The following TNS1 variants were observed in gnomAD, a reference collection of about 807,000 sequenced individuals.
TNS1 encodes the protein tensin-1.
TNS1 carries 62 observed loss-of-function variants against 168.6 expected under a neutral mutation model. That is an observed-to-expected ratio of 0.37 (90% CI 0.30 to 0.45). The LOEUF (loss-of-function observed/expected upper bound fraction) is 0.45, where lower values mean the gene tolerates loss of function less well. Among genes scored for constraint, TNS1 ranks in the 20% least tolerant of loss-of-function variants. The pLI, the probability that TNS1 is intolerant of heterozygous loss-of-function variation, is 1.00. For missense variants in TNS1, 2,240 were observed against 2,339.4 expected (o/e 0.96, Z 0.88); for synonymous variants, 934 against 933.2 (o/e 1.00, Z -0.02).
intron 19 of TNS1, among the ~76,000 whole-genome samples, chr2:217,840,961 G>A (rs981101757): frequency 8.5e-5 from 13 of 152,222 alleles, no homozygotes; most frequent in African/African-American, 2.9e-4. Flanking sequence ...GGAGAGAGGA[G>A]GGATGGAGAA....
chr2:217,810,066 G>A, intron 29 of TNS1, 75 bp from the exon 30 acceptor site: 6 of 1,534,038 alleles, frequency 3.9e-6, no homozygotes, highest in Non-Finnish European at 5.3e-6. Flanking sequence ...CCATTCTTCA[G>A]GGAGAAGGTA....
intron 22 of TNS1, among the ~76,000 whole-genome samples, chr2:217,828,629 G>A (rs2571437): frequency 0.059 from 9,002 of 152,192 alleles, 903 homozygotes; most frequent in African/African-American, 0.21. Flanking sequence ...TTCTGCTCCT[G>A]GTGTGTCCAA....
At chr2:217,947,313 G>A (rs1957135591) in intron 3 of TNS1, among the ~76,000 whole-genome samples, 1 of 152,172 alleles carries the variant, frequency 6.6e-6, no homozygotes, top group African/African-American at 2.4e-5. Flanking sequence ...GGCTGAAGGG[G>A]TGGGGGAGCA....
At chr2:217,902,239 T>C (rs1170411822) in intron 6 of TNS1, among the ~76,000 whole-genome samples, 5 of 152,148 alleles carry the variant, frequency 3.3e-5, no homozygotes, top group African/African-American at 9.7e-5. Flanking sequence ...GAGGAGTCCC[T>C]GAATCTCCCC....
intron 18 of TNS1, chr2:217,850,029 A>G: frequency 1.0e-6 from 1 of 985,388 alleles, no homozygotes; most frequent in South Asian, 4.7e-5. Flanking sequence ...GGCTCCTCCC[A>G]GCTCCTCCCC....
intron 3 of TNS1, among the ~76,000 whole-genome samples, chr2:217,922,617 A>G (rs538919478): frequency 6.6e-6 from 1 of 152,352 alleles, no homozygotes; most frequent in East Asian, 1.9e-4. Flanking sequence ...TTGAACCAGC[A>G]GCAGAAGAGA....
At chr2:217,807,492 A>T (rs1459573599) in intron 32 of TNS1, among the ~76,000 whole-genome samples, 1 of 152,194 alleles carries the variant, frequency 6.6e-6, no homozygotes, top group East Asian at 1.9e-4. Flanking sequence ...TGCTATTTAG[A>T]CATCTGTCTT....
At chr2:217,908,115 G>A (rs1052990915) in intron 4 of TNS1, among the ~76,000 whole-genome samples, 2 of 152,078 alleles carry the variant, frequency 1.3e-5, no homozygotes, top group Non-Finnish European at 1.5e-5. Flanking sequence ...TAGATTCTAA[G>A]CAAAATTTGG....
chr2:218,021,066 C>T (rs995773214), intron 1 of TNS1, among the ~76,000 whole-genome samples: 34 of 152,378 alleles, frequency 2.2e-4, no homozygotes, highest in African/African-American at 8.2e-4. Flanking sequence ...GCCCAAGTCC[C>T]TGGCAGAGCA....
At chr2:217,958,952 G>C (rs1421583277) in intron 3 of TNS1, among the ~76,000 whole-genome samples, 1 of 152,230 alleles carries the variant, frequency 6.6e-6, no homozygotes, top group Admixed American at 6.5e-5. Context: ...CAGTTTTCAT[G>C]GCAGCCCAGG....
chr2:217,829,706 G>C (rs1424140975), intron 22 of TNS1: 2 of 948,292 alleles, frequency 2.1e-6, no homozygotes, highest in East Asian at 4.8e-5. Flanking sequence ...CAAGCGTTGG[G>C]GGACAGGAAG....
intron 19 of TNS1, among the ~76,000 whole-genome samples, chr2:217,840,663 G>A (rs1030674665): frequency 2.6e-5 from 4 of 152,250 alleles, no homozygotes; most frequent in African/African-American, 7.2e-5. Context: ...CAGGGGCTGG[G>A]GCACCACTCT....
chr2:217,882,289 G>C (rs1211460321), intron 17 of TNS1, 57 bp downstream of exon 17: 8 of 1,215,588 alleles, frequency 6.6e-6, no homozygotes, highest in Admixed American at 5.5e-5. Context: ...AGGGTGCTGG[G>C]GATAGGGTCA....
At chr2:217,857,202 G>A (rs1948243109) in intron 18 of TNS1, among the ~76,000 whole-genome samples, 2 of 152,308 alleles carry the variant, frequency 1.3e-5, no homozygotes, top group African/African-American at 4.8e-5. Flanking sequence ...TCCAGGGCCC[G>A]GGAGGTTGGC....
At chr2:217,873,776 T>G (rs763726239) in intron 18 of TNS1, among the ~76,000 whole-genome samples, 2 of 152,126 alleles carry the variant, frequency 1.3e-5, no homozygotes, top group Non-Finnish European at 2.9e-5. Flanking sequence ...CCTACAGAAG[T>G]GCCTCAGGAG....
chr2:217,962,629 G>C (rs191296515), intron 3 of TNS1, among the ~76,000 whole-genome samples: 1 of 152,278 alleles, frequency 6.6e-6, no homozygotes, highest in African/African-American at 2.4e-5. Flanking sequence ...TGGGGATAAG[G>C]CACCATTCTT....
At chr2:218,021,527 G>T (rs1004630770) in intron 1 of TNS1, among the ~76,000 whole-genome samples, 4 of 152,364 alleles carry the variant, frequency 2.6e-5, no homozygotes, top group African/African-American at 7.2e-5. Flanking sequence ...TGGAGGGTCT[G>T]TGCATCCAGT....
rs1249643840 is a variant in TNS1, at chr2:217,818,531, T to C, written c.3801A>G (p.Arg1267=). The C allele has an allele frequency of 6.2e-7, 1 of 1,614,186 alleles. No individual in the cohort carries two copies. The highest frequency in any genetic ancestry group is 1.1e-5 in the South Asian group (1 of 91,080). The part of the protein sequence containing the change: ...HFSSSPESQA[R]AQFSVAGVHT... The stretch of plus-strand genomic sequence containing the variant: ...GGACGCCAGCCACACTGAACTGAGC[T>C]CGAGCCTGGCTTTCCGGAGAGGAGC... Residue 1267 remains arginine (R), a synonymous_variant, in exon 24 of 33, where the codon CGA becomes CGG. Transcript: ENST00000682258.
intron 1 of TNS1, among the ~76,000 whole-genome samples, chr2:218,023,385 T>G (rs997878892): frequency 3.9e-5 from 6 of 152,236 alleles, no homozygotes; most frequent in Admixed American, 3.3e-4. Flanking sequence ...CCTTCAGGGC[T>G]GCTGTGAGCA....
Sources: gnomAD v4.1 joint callset for allele counts (sites outside exome capture counted in the v4.1 genomes callset) on GRCh38, gnomAD v4.1.1 for gene constraint, MANE v1.5 for transcripts, NCBI Gene and HGNC (gene_info 2026-07-23, HGNC 2026-07-21) for gene names.